Variants in IDH2 observed in about 807,000 individuals in gnomAD.
IDH2 encodes the protein isocitrate dehydrogenase [NADP], mitochondrial.
In IDH2, 18 loss-of-function variants were observed where a neutral mutation model predicts 50.5. That is an observed-to-expected ratio of 0.36 (90% confidence interval 0.25 to 0.53). IDH2 has a LOEUF of 0.53. IDH2 is among the 20% of genes least tolerant of loss of function. IDH2 has a pLI of 0.92. For missense variants in IDH2, 518 were observed against 610.7 expected, an observed-to-expected ratio of 0.85 and a Z score of 1.60; for synonymous variants, 280 against 239.8, an observed-to-expected ratio of 1.17 and a Z score of -1.55.
At chr15:90,093,557 C>G (rs890079292) in intron 1 of IDH2, among the ~76,000 whole-genome samples, 10 of 152,216 alleles carry the variant, frequency 6.6e-5, no homozygotes, top group Middle Eastern at 3.4e-3. Flanking sequence ...TCCATTTAAT[C>G]CCAAAAACAA....
At chr15:90,090,379 G>C in intron 3 of IDH2, 100 bp downstream of exon 3, 1 of 1,322,408 alleles carries the variant, frequency 7.6e-7, no homozygotes, top group African/African-American at 1.5e-5. Flanking sequence ...TCCCAGTCCC[G>C]AGATGAGTGA....
In IDH2 at chr15:90,093,126, A is replaced by C. The variant is rs147839485; in HGVS notation, c.116-1482T>G. 1.2e-4 allele frequency among the ~76,000 whole-genome samples: 19 copies of C among 152,352 alleles called. No homozygotes were observed. The East Asian group carries it at 3.5e-3, about 28-fold the overall frequency. On this transcript the variant is annotated intron_variant, in intron 1 of 10. Transcript: ENST00000330062. The stretch of plus-strand genomic sequence containing the variant: ...CTGCCTCATCCAGCACCAAATCAGT[A>C]AGAGGTTGTCCAGGGGCTCCTGCCA...
intron 5 of IDH2, among the ~76,000 whole-genome samples, chr15:90,088,074 G>A (rs1259090016): frequency 6.6e-6 from 1 of 151,852 alleles, no homozygotes; most frequent in Non-Finnish European, 1.5e-5. Flanking sequence ...GCCTGGAGCT[G>A]CTCGTGGCCA....
At chr15:90,093,467 T>C (rs1440363027) in intron 1 of IDH2, among the ~76,000 whole-genome samples, 1 of 152,202 alleles carries the variant, frequency 6.6e-6, no homozygotes, top group Non-Finnish European at 1.5e-5. Flanking sequence ...AACTAACTTG[T>C]GGTGATAAAG....
At position 90,100,655 on chromosome 15, in the gene IDH2, A is replaced by G. The variant is rs533387183; in HGVS notation, c.115+1621T>C. ...ATGCGTGCAGGAATTACCAGGCAGCAAAGACACGGGGCTCTTTTAGCCCCA... is the reference window on the plus strand; with the variant it reads ...ATGCGTGCAGGAATTACCAGGCAGCGAAGACACGGGGCTCTTTTAGCCCCA... On this transcript the variant is annotated intron_variant, in intron 1 of 10. Transcript: ENST00000330062. This position sits in a 1 kb window ranked among gnomAD's most constrained non-coding sequence, Gnocchi z 4.1. The G allele has an allele frequency of 6.1e-6, 6 of 985,368 alleles. No homozygotes were observed. In the African/African-American group the frequency reaches 1.0e-4, roughly 17 times the overall value. The allele number at this position is 985,368 out of a possible 1,614,324, so 61.0% of individuals were successfully genotyped here. A position where few individuals can be genotyped will look rare whatever the true frequency, so the allele number is the denominator to read the frequency against.
At chr15:90,087,710 C>T in intron 5 of IDH2, 135 bp from the exon 6 acceptor site, 1 of 907,288 alleles carries the variant, frequency 1.1e-6, no homozygotes, top group Non-Finnish European at 1.8e-6. Flanking sequence ...ACACCAGCCT[C>T]CGTGCAGTGC....
At chr15:90,087,703 C>G (rs900252735) in intron 5 of IDH2, 128 bp from the exon 6 acceptor site, 4 of 1,018,618 alleles carry the variant, frequency 3.9e-6, no homozygotes, top group African/African-American at 3.1e-5. Context: ...CTGTTTAACA[C>G]CAGCCTCCGT....
In IDH2 at chr15:90,098,543, T is replaced by TATGCATGCATGTATGTATGTATGCATGC. The variant is rs1036769363; in HGVS notation, c.115+3732_115+3733insGCATGCATACATACATACATGCATGCAT. On this transcript the variant is annotated intron_variant, in intron 1 of 10. Coordinates refer to ENST00000330062, the MANE Select transcript of IDH2 (RefSeq NM_002168.4). The surrounding 1 kb of genome is among the most constrained non-coding windows in gnomAD (Gnocchi z 5.1). ...GTATGTATGCATGCATGTATGTATG[T>TATGCATGCATGTATGTATGTATGCATGC]ATGTATGTATGTATGTATTGAGACA... 6.7e-6 allele frequency among the ~76,000 whole-genome samples: 1 copy of TATGCATGCATGTATGTATGTATGCATGC among 148,200 alleles called. No homozygotes were observed. Among genetic ancestry groups the TATGCATGCATGTATGTATGTATGCATGC allele is most frequent in the Non-Finnish European group, 1.5e-5 (1 of 66,138 alleles).
chr15:90,091,383 A>G (rs573428148), intron 2 of IDH2, among the ~76,000 whole-genome samples, 170 bp downstream of exon 2: 2 of 152,334 alleles, frequency 1.3e-5, no homozygotes, highest in Non-Finnish European at 2.9e-5. Flanking sequence ...CTGAACAATT[A>G]GTGGACCAGA....
chr15:90,087,690 C>A, intron 5 of IDH2, 115 bp from the exon 6 acceptor site: 2 of 1,207,662 alleles, frequency 1.7e-6, no homozygotes, highest in Non-Finnish European at 2.4e-6. Context: ...GCCGCCCACG[C>A]GACTGTTTAA....
chr15:90,099,813 T>C (rs1901283174), intron 1 of IDH2, among the ~76,000 whole-genome samples: 1 of 152,162 alleles, frequency 6.6e-6, no homozygotes, highest in Admixed American at 6.6e-5. Context: ...TTGCTTACTG[T>C]CTGCCCCCTC....
intron 1 of IDH2, among the ~76,000 whole-genome samples, chr15:90,097,167 G>A (rs1901204469): frequency 6.6e-6 from 1 of 152,194 alleles, no homozygotes; most frequent in South Asian, 2.1e-4. Flanking sequence ...GTTACCTGTG[G>A]TGTCAGTTAC....
Position 90,090,641 on chromosome 15 carries a change from T to G in IDH2, c.211A>C (p.Ile71Leu). 1 of 1,614,164 alleles carries G rather than the reference T, an allele frequency of 6.2e-7. No homozygotes were observed. Among genetic ancestry groups the G allele is most frequent in the Non-Finnish European group, 8.5e-7 (1 of 1,180,012 alleles). ...IIWQFIKEKL[I>L]LPHVDIQLKY... ...AGCTGGATGTCCACGTGGGGCAGGA[T>G]GAGCTGGGGACAGAGGGCCAGAGCA... Residue 71 changes from isoleucine to leucine, a missense_variant, in exon 3 of 11, where the codon ATC becomes CTC. Ile to Leu is a conservative substitution (Grantham distance 5). Coordinates refer to ENST00000330062, the MANE Select transcript of IDH2 (RefSeq NM_002168.4).
At chr15:90,095,214 G>T (rs1303410661) in intron 1 of IDH2, among the ~76,000 whole-genome samples, 3 of 152,142 alleles carry the variant, frequency 2.0e-5, no homozygotes, top group African/African-American at 7.2e-5. Context: ...GTCAGATGTA[G>T]AGAAGCAGAA....
chr15:90,083,929 C>G lies in IDH2; in HGVS notation c.*337G>C. On this transcript the variant is annotated 3_prime_UTR_variant, in exon 11 of 11. Coordinates refer to ENST00000330062, the MANE Select transcript of IDH2 (RefSeq NM_002168.4). ...CCTGCCAGCTCTAGCAGGGCCTCTG[C>G]CTCAGGGTCCCACTACCTCCTCCCC... is the stretch of plus-strand genomic sequence containing the variant. 2.3e-6 allele frequency: 1 copy of G among 431,554 alleles called. No homozygotes were observed. The highest frequency in any genetic ancestry group is 3.7e-5 in the Admixed American group (1 of 27,388). The allele number at this position is 431,554 out of a possible 1,614,324, so 26.7% of individuals were successfully genotyped here. A position where few individuals can be genotyped will look rare whatever the true frequency, so the allele number is the denominator to read the frequency against.
rs1381473769 is a variant in IDH2, at chr15:90,092,374, T to TTTCC, written c.116-734_116-731dup. 4.1e-5 allele frequency among the ~76,000 whole-genome samples: 6 copies of TTTCC among 146,236 alleles called. No individual in the cohort carries two copies. In the East Asian group the frequency reaches 5.9e-4, roughly 14 times the overall value. On this transcript the variant is annotated intron_variant, in intron 1 of 10. Coordinates refer to ENST00000330062, the MANE Select transcript of IDH2 (RefSeq NM_002168.4). ...TCCTTTCTTTCCTTCCTTTCCTTTC[T>TTTCC]TTCCTTCCTTCCTTCCTTTCGTTCC...
At chr15:90,086,415 C>T (rs111371690) in intron 7 of IDH2, among the ~76,000 whole-genome samples, 11,654 of 151,754 alleles carry the variant, frequency 0.077, 1,210 homozygotes, top group African/African-American at 0.24. Flanking sequence ...TTTTTGGAGA[C>T]GGAGTTTCAC....
rs1901308242 is a variant in IDH2 at position 90,100,738 on chromosome 15, G to A, written c.115+1538C>T. ...CAAGTATTCTGTCTCCAGCTGCGTT[G>A]CCAGGTAACAAGCTGGCAGAGTCGC... On this transcript the variant is annotated intron_variant, in intron 1 of 10. Coordinates refer to ENST00000330062, the MANE Select transcript of IDH2 (RefSeq NM_002168.4). This position sits in a 1 kb window ranked among gnomAD's most constrained non-coding sequence, Gnocchi z 4.1. 2 of 764,954 alleles carry A rather than the reference G, an allele frequency of 2.6e-6. No individual in the cohort carries two copies. The highest frequency in any genetic ancestry group is 3.8e-5 in the African/African-American group (2 of 52,924). The allele number at this position is 764,954 out of a possible 1,614,324, so 47.4% of individuals were successfully genotyped here. A position where few individuals can be genotyped will look rare whatever the true frequency, so the allele number is the denominator to read the frequency against.
In IDH2 at chr15:90,100,630, A is replaced by G. The variant is rs986533453; in HGVS notation, c.115+1646T>C. 3.1e-5 allele frequency: 31 copies of G among 985,350 alleles called. No individual in the cohort carries two copies. Among genetic ancestry groups the G allele is most frequent in the South Asian group, 4.7e-5 (1 of 21,298 alleles). The allele number at this position is 985,350 out of a possible 1,614,324, so 61.0% of individuals were successfully genotyped here. ...CTATGGCGTTGCAAAATAGGAAAAG[A>G]TGCGTGCAGGAATTACCAGGCAGCA... On this transcript the variant is annotated intron_variant, in intron 1 of 10. Coordinates refer to ENST00000330062, the MANE Select transcript of IDH2 (RefSeq NM_002168.4). This position sits in a 1 kb window ranked among gnomAD's most constrained non-coding sequence, Gnocchi z 4.1.
Sources: gnomAD v4.1 joint callset for allele counts (sites outside exome capture counted in the v4.1 genomes callset) on GRCh38, gnomAD v4.1.1 for gene constraint, Gnocchi (gnomAD v3.1) non-coding constraint, MANE v1.5 for transcripts, NCBI Gene and HGNC (gene_info 2026-07-23, HGNC 2026-07-21) for gene names.